The following ANKH variants were observed in gnomAD, a reference collection of about 807,000 sequenced individuals.
ANKH encodes mineralization regulator ANKH.
Under a neutral mutation model 49.0 loss-of-function variants are expected in ANKH, and 15 were observed. The observed-to-expected ratio is 0.31, with a 90% CI of 0.20 to 0.47. The LOEUF (loss-of-function observed/expected upper bound fraction) is 0.47, where lower values mean the gene tolerates loss of function less well. Ranked by LOEUF, ANKH falls within the 20% of genes least tolerant of loss-of-function variation. The pLI is 1.00. For missense variants in ANKH, 429 were observed against 652.0 expected, an observed-to-expected ratio of 0.66 and a Z score of 3.72; for synonymous variants, 273 against 260.0, an observed-to-expected ratio of 1.05 and a Z score of -0.48.
chr5:14,853,403 C>T (rs2401985), intron 1 of ANKH, among the ~76,000 whole-genome samples: 55,931 of 151,846 alleles, frequency 0.37, 10,448 homozygotes, highest in African/African-American at 0.42. Context: ...TAGTGAGACC[C>T]TGTCTCCACA....
chr5:14,768,703 C>G (rs1010982710), intron 2 of ANKH: 2 of 534,874 alleles, frequency 3.7e-6, no homozygotes, highest in East Asian at 6.6e-5. Context: ...ATTGGCCTTA[C>G]CAAATGTTAT....
At chr5:14,731,404 A>T (rs1233858224) in intron 8 of ANKH, among the ~76,000 whole-genome samples, 2 of 152,166 alleles carry the variant, frequency 1.3e-5, no homozygotes, top group Non-Finnish European at 2.9e-5. Flanking sequence ...CAAGAAAAAG[A>T]GCTGTAAAAA....
At chr5:14,767,984 G>A (rs539848305) in intron 2 of ANKH, among the ~76,000 whole-genome samples, 224 of 152,242 alleles carry the variant, frequency 1.5e-3, no homozygotes, top group African/African-American at 5.2e-3. Flanking sequence ...CAATATCAAC[G>A]CTTTGGCTGA....
At chr5:14,807,256 A>G (rs1337135312) in intron 1 of ANKH, among the ~76,000 whole-genome samples, 1 of 151,838 alleles carries the variant, frequency 6.6e-6, no homozygotes, top group East Asian at 1.9e-4. Context: ...CTGGGACTAT[A>G]GGCACACACC....
chr5:14,778,992 T>G (rs1053059116), intron 1 of ANKH, among the ~76,000 whole-genome samples: 2 of 152,202 alleles, frequency 1.3e-5, no homozygotes, highest in Admixed American at 1.3e-4. Flanking sequence ...GACTTTGAGA[T>G]GCATTCCTTC....
chr5:14,867,403 C>T (rs1231718812), intron 1 of ANKH, among the ~76,000 whole-genome samples: 1 of 152,060 alleles, frequency 6.6e-6, no homozygotes, highest in Non-Finnish European at 1.5e-5. Context: ...GGTGCTCAAT[C>T]AATGTACGTG....
At chr5:14,771,590 C>G (rs370413737) in intron 1 of ANKH, among the ~76,000 whole-genome samples, 20 of 151,932 alleles carry the variant, frequency 1.3e-4, no homozygotes, top group African/African-American at 4.6e-4. Context: ...GGGTCTGATA[C>G]GACAGTAAGG....
At chr5:14,850,615 C>T (rs1387356923) in intron 1 of ANKH, among the ~76,000 whole-genome samples, 1 of 152,220 alleles carries the variant, frequency 6.6e-6, no homozygotes, top group Non-Finnish European at 1.5e-5. Context: ...GCCAACAGTC[C>T]TACTATGGCA....
At chr5:14,781,303 G>A (rs1739798569) in intron 1 of ANKH, among the ~76,000 whole-genome samples, 2 of 152,176 alleles carry the variant, frequency 1.3e-5, no homozygotes, top group African/African-American at 2.4e-5. Flanking sequence ...GCAGTCAAAC[G>A]GAACCTGGTC....
chr5:14,749,414 C>T, intron 5 of ANKH, 108 bp from the exon 6 acceptor site: 1 of 1,247,136 alleles, frequency 8.0e-7, no homozygotes, highest in Non-Finnish European at 1.2e-6. Flanking sequence ...AGCCAATTCA[C>T]TATACTTGAA....
At chr5:14,781,432 C>T (rs1347849957) in intron 1 of ANKH, among the ~76,000 whole-genome samples, 2 of 152,164 alleles carry the variant, frequency 1.3e-5, no homozygotes, top group African/African-American at 2.4e-5. Flanking sequence ...AGTCACCTCC[C>T]ACACCTGGAG....
Position 14,797,956 on chromosome 5 carries a change from T to C in ANKH, c.97-28765A>G, listed in dbSNP as rs1206325359. On this transcript the variant is annotated intron_variant, in intron 1 of 11. Transcript: ENST00000284268. The stretch of plus-strand genomic sequence containing the variant: ...TGTTTTGTATAGTCAAAGACAAGAA[T>C]ATCACTGGAAGGAGTCTTTGTTGTG... The C allele has an allele frequency of 1.5e-5, 24 of 1,573,416 alleles. No individual in the cohort carries two copies. The African/African-American group carries it at 1.8e-4, about 12-fold the overall frequency.
Position 14,711,036 on chromosome 5 carries a change from C to A in ANKH, c.*161G>T. The A allele has an allele frequency of 1.4e-6, 1 of 711,016 alleles. No individual in the cohort carries two copies. Among genetic ancestry groups the A allele is most frequent in the South Asian group, 1.5e-5 (1 of 66,170 alleles). The allele number at this position is 711,016 out of a possible 1,614,324, so 44.0% of individuals were successfully genotyped here. A position where few individuals can be genotyped will look rare whatever the true frequency, so the allele number is the denominator to read the frequency against. On this transcript the variant is annotated 3_prime_UTR_variant, in exon 12 of 12. Coordinates refer to ENST00000284268, the MANE Select transcript of ANKH (RefSeq NM_054027.6). ...GTCCCCCCGTCAGTGTGAGCATACC[C>A]AGTATGCTAGAGAATTGACACGAAA...
intron 1 of ANKH, among the ~76,000 whole-genome samples, chr5:14,809,345 A>G (rs1740806182): frequency 6.8e-6 from 1 of 147,948 alleles, no homozygotes; most frequent in Non-Finnish European, 1.5e-5. Flanking sequence ...TAAAAAAAAA[A>G]AAAAAAAAAA....
At chr5:14,760,882 C>A (rs1266528216) in intron 2 of ANKH, among the ~76,000 whole-genome samples, 1 of 151,768 alleles carries the variant, frequency 6.6e-6, no homozygotes, top group Non-Finnish European at 1.5e-5. Context: ...TATGTCCCTT[C>A]AAAATTCAGA....
chr5:14,751,061 A>G lies in ANKH; in HGVS notation c.687+8T>C. 6.2e-7 allele frequency: 1 copy of G among 1,614,168 alleles called. No individual in the cohort carries two copies. Among genetic ancestry groups the G allele is most frequent in the Admixed American group, 1.7e-5 (1 of 60,032 alleles). On this transcript the variant is annotated splice_region_variant and intron_variant, in intron 5 of 11. Coordinates refer to ENST00000284268, the MANE Select transcript of ANKH (RefSeq NM_054027.6). ...TCAGACAGACTGCTGTTGGGTTGGT[A>G]GACGTACCCCCAGCTCCGGGCCACT...
chr5:14,709,574 T>C lies in ANKH; in HGVS notation c.*1623A>G, dbSNP rs1017084038. 1.3e-5 allele frequency: 2 copies of C among 152,206 alleles called. No individual in the cohort carries two copies. Among genetic ancestry groups the C allele is most frequent in the African/African-American group, 2.4e-5 (1 of 41,460 alleles). 9.4% of individuals were successfully genotyped at this position (152,206 alleles called of 1,614,324 possible). A position where few individuals can be genotyped will look rare whatever the true frequency, so the allele number is the denominator to read the frequency against. ...TATGATCACACAGCACTGAAAACGGTAGACACAAAGGGCCTGCCTTTTTCT... is the reference window on the plus strand; with the variant it reads ...TATGATCACACAGCACTGAAAACGGCAGACACAAAGGGCCTGCCTTTTTCT... On this transcript the variant is annotated 3_prime_UTR_variant, in exon 12 of 12. Coordinates refer to ENST00000284268, the MANE Select transcript of ANKH (RefSeq NM_054027.6).
rs200508674 is a variant in ANKH, at chr5:14,739,423, G to GA, written c.1011+2403dup. Among the ~76,000 whole-genome samples, 877 of 151,358 alleles carry GA rather than the reference G, an allele frequency of 5.8e-3. 3 individuals are homozygous for GA. Among genetic ancestry groups the GA allele is most frequent in the Non-Finnish European group, 7.0e-3 (474 of 67,752 alleles). On this transcript the variant is annotated intron_variant, in intron 8 of 11. Coordinates refer to ENST00000284268, the MANE Select transcript of ANKH (RefSeq NM_054027.6). ...CGGAGTGAGACTTTGTCTCAAAAAA[G>GA]AAAAAAAAGAGAAAAATCTCCCTTT...
At chr5:14,871,057 T>C (rs1414436980) in intron 1 of ANKH, 1 of 515,764 alleles carries the variant, frequency 1.9e-6, no homozygotes, top group Admixed American at 2.3e-5. Context: ...GAGGTTTACA[T>C]AATCGCAAAT....
Sources: allele counts gnomAD v4.1 joint callset (sites outside exome capture counted in the v4.1 genomes callset), GRCh38; gene constraint gnomAD v4.1.1; transcripts MANE v1.5; gene names NCBI Gene and HGNC (gene_info 2026-07-23, HGNC 2026-07-21).